Variants in MPRIP observed in about 807,000 individuals in gnomAD.
MPRIP encodes the protein myosin phosphatase Rho interacting protein.
A neutral mutation model predicts 234.9 loss-of-function variants in MPRIP; 59 were observed. The ratio of observed to expected loss-of-function variants is 0.25; its 90% CI spans 0.20 to 0.31. The LOEUF (loss-of-function observed/expected upper bound fraction) is 0.31, where lower values mean the gene tolerates loss of function less well. Among genes scored for constraint, MPRIP ranks in the 10% least tolerant of loss-of-function variants. The pLI, the probability that MPRIP is intolerant of heterozygous loss-of-function variation, is 1.00. For missense variants in MPRIP, 2,436 were observed against 3,071.0 expected (o/e 0.79, Z 4.89); for synonymous variants, 1,144 against 1,263.9 (o/e 0.91, Z 2.01).
chr17:17,085,347 C>A (rs763444844), intron 3 of MPRIP, among the ~76,000 whole-genome samples: 10 of 152,172 alleles, frequency 6.6e-5, no homozygotes, highest in Non-Finnish European at 1.5e-4. Context: ...GGTGTGTTTT[C>A]ATCTTTACAT....
intron 1 of MPRIP, among the ~76,000 whole-genome samples, chr17:17,069,453 G>A (rs1013190141): frequency 2.0e-5 from 3 of 148,344 alleles, no homozygotes; most frequent in Non-Finnish European, 3.0e-5. Context: ...TAGTTAATGC[G>A]TCTCTGGTTA....
intron 23 of MPRIP, among the ~76,000 whole-genome samples, chr17:17,180,453 A>C (rs1489868200): frequency 3.9e-5 from 6 of 152,178 alleles, no homozygotes; most frequent in African/African-American, 1.4e-4. Flanking sequence ...CCAAGAGATG[A>C]TGCTGCCTGC....
chr17:17,138,066 C>G lies in MPRIP; in HGVS notation c.887C>G (p.Pro296Arg). ...CTCTCCCCTCCCAGCCCCAGCACCC[C>G]CAACCACAGGTACAGTTGCCCCGAG... ...PPLSPPSPST[P>R]NHRYSCPESP... The change falls in exon 7 of 24, where the codon CCC (proline) becomes CGC (arginine). Residue 296 changes from proline to arginine, a missense_variant. Pro to Arg is a moderately radical substitution (Grantham distance 103). Transcript: ENST00000651222. This position sits in a 1 kb window ranked among gnomAD's most constrained non-coding sequence, Gnocchi z 5.8. The G allele has an allele frequency of 6.2e-7, 1 of 1,603,986 alleles. No homozygotes were observed. Among genetic ancestry groups the G allele is most frequent in the Non-Finnish European group, 8.5e-7 (1 of 1,175,496 alleles).
At chr17:17,136,073 GT>G in intron 5 of MPRIP, 145 bp from the exon 6 acceptor site, 3 of 783,672 alleles carry the variant, frequency 3.8e-6, no homozygotes, top group Non-Finnish European at 6.5e-6. Context: ...TGGTCTCACT[GT>G]TTTGGGGCAG....
chr17:17,113,693 CTA>C (rs1287077946), intron 3 of MPRIP, among the ~76,000 whole-genome samples: 1 of 152,056 alleles, frequency 6.6e-6, no homozygotes, highest in African/African-American at 2.4e-5. Flanking sequence ...AACAGCAAAT[CTA>C]TAAAGTCCAG....
chr17:17,174,622 G>A (rs116839714), intron 19 of MPRIP, among the ~76,000 whole-genome samples: 1 of 152,134 alleles, frequency 6.6e-6, no homozygotes, highest in Non-Finnish European at 1.5e-5. Context: ...GGATCACAAG[G>A]TCAGGGATTG....
rs146144064 is a variant in MPRIP, at chr17:17,124,500, C to T, written c.268-2202C>T. Among the ~76,000 whole-genome samples the T allele has an allele frequency of 1.5e-3, 233 of 152,340 alleles. 2 individuals are homozygous for T. Among genetic ancestry groups the T allele is most frequent in the East Asian group, 0.015 (77 of 5,186 alleles). The stretch of plus-strand genomic sequence containing the variant: ...CTGTACTGTCAGCAGTTTGAGACCA[C>T]GGTCCCAAGGACCAGGGTGGGAGTC... On this transcript the variant is annotated intron_variant, in intron 3 of 23. Transcript: ENST00000651222.
chr17:17,064,206 G>GTT (rs796815329), intron 1 of MPRIP, among the ~76,000 whole-genome samples: 12 of 140,540 alleles, frequency 8.5e-5, no homozygotes, highest in South Asian at 4.6e-4. Flanking sequence ...TTTTTGTTTT[G>GTT]TTTTTTTTTT....
chr17:17,122,394 C>T (rs1442417245), intron 3 of MPRIP, among the ~76,000 whole-genome samples: 1 of 152,238 alleles, frequency 6.6e-6, no homozygotes, highest in Non-Finnish European at 1.5e-5. Context: ...CGCTCCATCA[C>T]CCAGGCTGGA....
chr17:17,112,238 G>C (rs2090186958), intron 3 of MPRIP, among the ~76,000 whole-genome samples: 1 of 152,078 alleles, frequency 6.6e-6, no homozygotes, highest in Non-Finnish European at 1.5e-5. Flanking sequence ...CCCACTCCTT[G>C]GGCCTAGCTC....
At chr17:17,119,376 G>A (rs1217227435) in intron 3 of MPRIP, among the ~76,000 whole-genome samples, 1 of 152,224 alleles carries the variant, frequency 6.6e-6, no homozygotes, top group Admixed American at 6.5e-5. Flanking sequence ...GGGTAGCCCT[G>A]CCTACAGTTT....
chr17:17,141,583 TCCCTCGCACTCC>T (rs1000252669), intron 7 of MPRIP: 1 of 152,600 alleles, frequency 6.6e-6, no homozygotes, highest in Admixed American at 6.5e-5. Flanking sequence ...CAGCCAGTTT[TCCCTCGCACTCC>T]CTGAGAAGCA....
intron 22 of MPRIP, 38 bp from the exon 23 acceptor site, chr17:17,179,965 A>G (rs2046337639): frequency 6.5e-7 from 1 of 1,528,144 alleles, no homozygotes; most frequent in Non-Finnish European, 8.9e-7. Flanking sequence ...TTAGAAAGCA[A>G]AGGTAACAGG....
At chr17:17,067,174 G>T (rs547894877) in intron 1 of MPRIP, among the ~76,000 whole-genome samples, 26 of 152,240 alleles carry the variant, frequency 1.7e-4, no homozygotes, top group African/African-American at 6.0e-4. Flanking sequence ...CAATTTCAGC[G>T]ATAGAAGATT....
At chr17:17,115,858 G>C (rs2090275437) in intron 3 of MPRIP, among the ~76,000 whole-genome samples, 3 of 152,172 alleles carry the variant, frequency 2.0e-5, no homozygotes, top group African/African-American at 7.2e-5. Flanking sequence ...CCTAGGTGCT[G>C]ATCATGCAAA....
chr17:17,107,610 G>A (rs1459767837), intron 3 of MPRIP, among the ~76,000 whole-genome samples: 1 of 152,208 alleles, frequency 6.6e-6, no homozygotes, highest in Admixed American at 6.5e-5. Flanking sequence ...CCTGTATTCA[G>A]GTGGATTTGG....
In MPRIP at chr17:17,167,057, C is replaced by T; in HGVS notation, c.5466C>T (p.Leu1822=). Reference sequence around the variant, plus strand: ...AGCTTCTCCAGGTGTCCCAGAGTCTCTCGTATAACACTTGTTTGGGAGGCC... The same window carrying T: ...AGCTTCTCCAGGTGTCCCAGAGTCTTTCGTATAACACTTGTTTGGGAGGCC... The part of the protein sequence containing the change: ...CQKLLQVSQS[L]SYNTCLGGLG... The change falls in exon 16 of 24, where the codon CTC becomes CTT. Residue 1822 remains leucine (L), a synonymous_variant. Coordinates refer to ENST00000651222, the MANE Select transcript of MPRIP (RefSeq NM_001364716.4). The surrounding 1 kb of genome is among the most constrained non-coding windows in gnomAD (Gnocchi z 5.9). 1 of 1,304,332 alleles carries T rather than the reference C, an allele frequency of 7.7e-7. No homozygotes were observed. Among genetic ancestry groups the T allele is most frequent in the Non-Finnish European group, 1.0e-6 (1 of 988,968 alleles). The allele number at this position is 1,304,332 out of a possible 1,614,324, so 80.8% of individuals were successfully genotyped here.
chr17:17,137,963 CG>C lies in MPRIP; in HGVS notation c.787del (p.Val263TrpfsTer15). On this transcript the variant is annotated frameshift_variant, in exon 7 of 24. Coordinates refer to ENST00000651222, the MANE Select transcript of MPRIP (RefSeq NM_001364716.4). LOFTEE classifies it high-confidence loss of function. The part of the protein sequence containing the change: ...SDRMDCGRKV[R>X]VESGYFSLEK... ...CCGCATGGACTGTGGCCGCAAAGTC[CG>C]GGTGGAGAGCGGCTACTTCTCTCTG... 1 of 1,612,968 alleles carries C rather than the reference CG, an allele frequency of 6.2e-7. No homozygotes were observed. The highest frequency in any genetic ancestry group is 8.5e-7 in the Non-Finnish European group (1 of 1,179,638).
chr17:17,121,191 A>T (rs2090381576), intron 3 of MPRIP, among the ~76,000 whole-genome samples: 1 of 152,162 alleles, frequency 6.6e-6, no homozygotes, highest in Non-Finnish European at 1.5e-5. Flanking sequence ...TTGTGTAAAT[A>T]TTCTAGAGTG....
Sources: allele counts gnomAD v4.1 joint callset (sites outside exome capture counted in the v4.1 genomes callset), GRCh38; gene constraint gnomAD v4.1.1; non-coding constraint Gnocchi (gnomAD v3.1); transcripts MANE v1.5; gene names NCBI Gene and HGNC (gene_info 2026-07-23, HGNC 2026-07-21).